DLGAP2: variants seen among roughly 807,000 people sequenced by gnomAD.
DLGAP2 encodes DLG associated protein 2, also known as disks large-associated protein 2.
Under a neutral mutation model 100.3 loss-of-function variants are expected in DLGAP2, and 26 were observed. That is an observed-to-expected ratio of 0.26 (90% CI 0.19 to 0.36). DLGAP2 has a LOEUF of 0.36. Ranked by LOEUF, DLGAP2 falls within the 10% of genes least tolerant of loss-of-function variation. DLGAP2 has a pLI of 1.00. For missense variants in DLGAP2, 1,858 were observed against 1,453.2 expected, an observed-to-expected ratio of 1.28 and a Z score of -4.53; for synonymous variants, 886 against 630.1, an observed-to-expected ratio of 1.41 and a Z score of -6.08.
At chr8:1,068,394 A>G (rs1177613145) in intron 2 of DLGAP2, among the ~76,000 whole-genome samples, 1 of 152,220 alleles carries the variant, frequency 6.6e-6, no homozygotes, top group African/African-American at 2.4e-5. Flanking sequence ...CTTCCAACGC[A>G]GCTGCGTTGT....
intron 2 of DLGAP2, among the ~76,000 whole-genome samples, chr8:1,190,568 G>A (rs1306115719): frequency 2.6e-5 from 4 of 152,148 alleles, no homozygotes; most frequent in Admixed American, 2.0e-4. Flanking sequence ...ATCTCACAGG[G>A]CACTGCGAGC....
At chr8:1,120,968 C>T (rs1032395017) in intron 2 of DLGAP2, among the ~76,000 whole-genome samples, 2 of 151,814 alleles carry the variant, frequency 1.3e-5, no homozygotes, top group African/African-American at 4.8e-5. Flanking sequence ...CCCTGACCAC[C>T]CATCCTCGTC....
chr8:1,261,866 C>T (rs1053348809), intron 3 of DLGAP2, among the ~76,000 whole-genome samples: 9 of 152,174 alleles, frequency 5.9e-5, no homozygotes, highest in Admixed American at 2.0e-4. Flanking sequence ...GCAGCTTCTG[C>T]GAGTTAACTC....
intron 1 of DLGAP2, among the ~76,000 whole-genome samples, chr8:776,286 C>G (rs1285340127): frequency 6.6e-6 from 1 of 151,960 alleles, no homozygotes; most frequent in Non-Finnish European, 1.5e-5. Context: ...TTTTGTTGAT[C>G]CTTTCAAGAA....
intron 2 of DLGAP2, among the ~76,000 whole-genome samples, chr8:1,049,123 G>T (rs549350435): frequency 6.6e-6 from 1 of 152,296 alleles, no homozygotes; most frequent in African/African-American, 2.4e-5. Flanking sequence ...TCTTGTGGCG[G>T]GCACTGTCAA....
intron 3 of DLGAP2, among the ~76,000 whole-genome samples, chr8:1,334,730 G>C (rs1465328311): frequency 6.6e-6 from 1 of 152,014 alleles, no homozygotes; most frequent in Non-Finnish European, 1.5e-5. Flanking sequence ...GCCTTCTGTA[G>C]CACCACATGG....
chr8:1,639,025 C>G (rs1264868335), intron 8 of DLGAP2, among the ~76,000 whole-genome samples: 2 of 152,196 alleles, frequency 1.3e-5, no homozygotes, highest in Non-Finnish European at 2.9e-5. Flanking sequence ...CCCAACAGCC[C>G]TCTCCAGCTG....
At chr8:1,350,780 A>C (rs1363439704) in intron 3 of DLGAP2, among the ~76,000 whole-genome samples, 1 of 53,828 alleles carries the variant, frequency 1.9e-5, no homozygotes, top group Non-Finnish European at 3.7e-5. Context: ...GTGCGTGGAA[A>C]GGCCGTGCGG....
intron 1 of DLGAP2, among the ~76,000 whole-genome samples, chr8:800,099 C>G (rs1264028362): frequency 1.3e-5 from 2 of 152,072 alleles, no homozygotes; most frequent in Non-Finnish European, 2.9e-5. Context: ...GCCTACCTCT[C>G]TTGGTGTCTG....
chr8:741,945 G>C (rs149297249), intron 1 of DLGAP2, among the ~76,000 whole-genome samples: 2 of 152,344 alleles, frequency 1.3e-5, no homozygotes, highest in East Asian at 3.9e-4. Flanking sequence ...GTCTGGAAAT[G>C]ACACCTTCCT....
chr8:817,472 G>C (rs1336867979), intron 1 of DLGAP2, among the ~76,000 whole-genome samples: 1 of 152,186 alleles, frequency 6.6e-6, no homozygotes, highest in Non-Finnish European at 1.5e-5. Flanking sequence ...GCAATTCAGA[G>C]ATTTCTTCTT....
intron 2 of DLGAP2, among the ~76,000 whole-genome samples, chr8:979,990 C>G (rs577525027): frequency 1.3e-5 from 2 of 152,278 alleles, no homozygotes; most frequent in African/African-American, 4.8e-5. Flanking sequence ...GGGGAGATGT[C>G]TGTCTGCAAC....
At chr8:1,349,511 G>GAGGAAGGAT (rs1801653811) in intron 3 of DLGAP2, among the ~76,000 whole-genome samples, 1 of 147,824 alleles carries the variant, frequency 6.8e-6, no homozygotes, top group Non-Finnish European at 1.5e-5. Context: ...CAGGTAGAAA[G>GAGGAAGGAT]GGGTGTTTGA....
At chr8:1,172,872 C>A (rs923114541) in intron 2 of DLGAP2, among the ~76,000 whole-genome samples, 1 of 152,346 alleles carries the variant, frequency 6.6e-6, no homozygotes, top group South Asian at 2.1e-4. Context: ...AACCCTTCTT[C>A]TCTCATCTCG....
intron 1 of DLGAP2, among the ~76,000 whole-genome samples, chr8:841,274 G>A (rs1388597224): frequency 6.6e-6 from 1 of 152,162 alleles, no homozygotes; most frequent in Non-Finnish European, 1.5e-5. Context: ...CATGCATGGC[G>A]CACGTTTGGC....
intron 2 of DLGAP2, among the ~76,000 whole-genome samples, chr8:1,114,788 G>T (rs1418650711): frequency 6.6e-6 from 1 of 151,996 alleles, no homozygotes; most frequent in African/African-American, 2.4e-5. Flanking sequence ...TGTGATGTTA[G>T]GTAGTTAATT....
At chr8:1,247,123 G>C (rs1171158749) in intron 2 of DLGAP2, 2 of 187,166 alleles carry the variant, frequency 1.1e-5, no homozygotes, top group East Asian at 1.9e-4. Flanking sequence ...CAGAGTGGGA[G>C]TGATGGCCCA....
At chr8:1,419,051 G>A (rs1028570875) in intron 3 of DLGAP2, among the ~76,000 whole-genome samples, 11 of 152,362 alleles carry the variant, frequency 7.2e-5, no homozygotes, top group African/African-American at 2.4e-4. Context: ...GACTCTCCGT[G>A]CCCTCTCTGG....
intron 6 of DLGAP2, chr8:1,619,751 T>C (rs1797267368): frequency 6.6e-6 from 1 of 152,258 alleles, no homozygotes; most frequent in Non-Finnish European, 1.5e-5. Context: ...GTCCTCATTG[T>C]ACGTTGCATA....
Sources: allele counts gnomAD v4.1 joint callset (sites outside exome capture counted in the v4.1 genomes callset), GRCh38; gene constraint gnomAD v4.1.1; transcripts MANE v1.5; gene names NCBI Gene and HGNC (gene_info 2026-07-23, HGNC 2026-07-21).